Variants in CAPN9 observed in about 807,000 individuals in gnomAD.
CAPN9 encodes calpain 9, also known as calpain-9.
In CAPN9, 81 loss-of-function variants were observed where a neutral mutation model predicts 92.8. That is an observed-to-expected ratio of 0.87 (90% CI 0.73 to 1.05). The LOEUF (loss-of-function observed/expected upper bound fraction) is 1.05. Among genes scored for constraint, CAPN9 ranks in the 50% least tolerant of loss-of-function variants. The pLI is 0.00. For missense variants in CAPN9, 848 were observed against 866.2 expected (o/e 0.98, Z 0.26); for synonymous variants, 304 against 328.0 (o/e 0.93, Z 0.79).
intron 5 of CAPN9, 77 bp downstream of exon 5, chr1:230,767,786 G>GCATAGTGCA: frequency 7.4e-7 from 1 of 1,345,386 alleles, no homozygotes; most frequent in African/African-American, 1.5e-5. Context: ...TGCTGGGGCT[G>GCATAGTGCA]TACCAGGTAC....
At chr1:230,762,292 C>A (rs778029116) in intron 3 of CAPN9, among the ~76,000 whole-genome samples, 1 of 152,214 alleles carries the variant, frequency 6.6e-6, no homozygotes, top group South Asian at 2.1e-4. Flanking sequence ...CCAAACCCCA[C>A]GTTACCATTC....
intron 18 of CAPN9, among the ~76,000 whole-genome samples, chr1:230,797,413 G>A (rs28359736): frequency 0.01 from 1,568 of 152,216 alleles, 27 homozygotes; most frequent in African/African-American, 0.035. Context: ...TCTAGTGCCC[G>A]GTTCATGCCC....
chr1:230,791,213 A>G (rs1473363362), intron 14 of CAPN9, among the ~76,000 whole-genome samples: 2 of 152,122 alleles, frequency 1.3e-5, no homozygotes, highest in East Asian at 3.9e-4. Flanking sequence ...TTGGGTGGGC[A>G]TGTGTTTTTA....
intron 19 of CAPN9, among the ~76,000 whole-genome samples, chr1:230,799,787 A>T (rs1039410891): frequency 6.6e-6 from 1 of 152,162 alleles, no homozygotes; most frequent in African/African-American, 2.4e-5. Flanking sequence ...AGTCCCAGCT[A>T]TTTGGGAGGC....
chr1:230,773,277 TG>T (rs1044835752), intron 7 of CAPN9, among the ~76,000 whole-genome samples: 1 of 152,130 alleles, frequency 6.6e-6, no homozygotes, highest in African/African-American at 2.4e-5. Flanking sequence ...CAAGAAGCAT[TG>T]GCAGAGATGA....
intron 19 of CAPN9, among the ~76,000 whole-genome samples, chr1:230,799,195 G>A (rs1043074395): frequency 6.6e-6 from 1 of 152,136 alleles, no homozygotes; most frequent in Non-Finnish European, 1.5e-5. Flanking sequence ...TTTGGGTTTG[G>A]ATAACATTTA....
intron 1 of CAPN9, among the ~76,000 whole-genome samples, chr1:230,748,661 G>C (rs1460502686): frequency 6.6e-6 from 1 of 152,130 alleles, no homozygotes; most frequent in African/African-American, 2.4e-5. Context: ...GTACATTACA[G>C]CTATTGTCAC....
chr1:230,780,555 G>A lies in CAPN9; in HGVS notation c.1328G>A (p.Arg443Gln), dbSNP rs757100698. ...GACTTCTTCAGATACCACGCTTCTCGGGCCAGAAGCAAGACGTTCATCAAC... is the reference window on the plus strand; with the variant it reads ...GACTTCTTCAGATACCACGCTTCTCAGGCCAGAAGCAAGACGTTCATCAAC... ...NKDFFRYHAS[R>Q]ARSKTFINLR... is the part of the protein sequence containing the mutation. The change falls in exon 11 of 20, where the codon CGG becomes CAG. Residue 443 changes from arginine to glutamine, a missense_variant. Coordinates refer to ENST00000271971, the MANE Select transcript of CAPN9 (RefSeq NM_006615.3). 15 of 1,614,014 alleles carry A rather than the reference G, an allele frequency of 9.3e-6. No homozygotes were observed. The highest frequency in any genetic ancestry group is 3.3e-5 in the South Asian group (3 of 91,076).
At chr1:230,786,890 G>T (rs1667629250) in intron 12 of CAPN9, among the ~76,000 whole-genome samples, 1 of 152,110 alleles carries the variant, frequency 6.6e-6, no homozygotes, top group Admixed American at 6.6e-5. Context: ...GTGACATGGG[G>T]GTGGCTTTAC....
At chr1:230,779,952 A>C (rs1428657583) in intron 9 of CAPN9, among the ~76,000 whole-genome samples, 1 of 152,218 alleles carries the variant, frequency 6.6e-6, no homozygotes, top group Non-Finnish European at 1.5e-5. Flanking sequence ...TGGAAATGAA[A>C]GAGAGGATAT....
In CAPN9 at chr1:230,747,468, G is replaced by A. The variant is rs1664490826; in HGVS notation, c.-29G>A. The A allele has an allele frequency of 1.3e-6, 2 of 1,597,918 alleles. No individual in the cohort carries two copies. Among genetic ancestry groups the A allele is most frequent in the African/African-American group, 2.7e-5 (2 of 74,612 alleles). ...TCACTTTCTTTTCCATCCACTGCCG[G>A]ACCCAAGCCAGCCTTCCAGGGAGCA... On this transcript the variant is annotated 5_prime_UTR_variant, in exon 1 of 20. Transcript: ENST00000271971.
At chr1:230,753,664 C>T (rs1665002702) in intron 1 of CAPN9, among the ~76,000 whole-genome samples, 1 of 152,198 alleles carries the variant, frequency 6.6e-6, no homozygotes, top group South Asian at 2.1e-4. Context: ...GAACCTTCCA[C>T]CTCCAGCCCA....
At position 230,792,876 on chromosome 1, in the gene CAPN9, C is replaced by A. The variant is rs1182739152; in HGVS notation, c.1818C>A (p.Asp606Glu). The A allele has an allele frequency of 1.2e-6, 2 of 1,613,984 alleles. No homozygotes were observed. The highest frequency in any genetic ancestry group is 1.7e-6 in the Non-Finnish European group (2 of 1,179,958). ...WINLFLRFDA[D>E]KSGTMSTYEL... ...ACCTTTTCCTTCGGTTTGATGCTGA[C>A]AAGTCCGGCACCATGTCTACCTATG... The change falls in exon 17 of 20, where the codon GAC becomes GAA. Residue 606 changes from aspartate (D) to glutamate (E), a missense_variant. Coordinates refer to ENST00000271971, the MANE Select transcript of CAPN9 (RefSeq NM_006615.3).
Position 230,779,104 on chromosome 1 carries a change from C to T in CAPN9, c.1085C>T (p.Ser362Phe). ...CATCAGGGAAGCTGGGTTCGCGGCT[C>T]CACGGCTGGGGGCTGCCGCAATTTC... is the stretch of plus-strand genomic sequence containing the variant. ...TVHQGSWVRG[S>F]TAGGCRNFLD... Residue 362 changes from serine to phenylalanine, a missense_variant, in exon 9 of 20, where the codon TCC becomes TTC. Transcript: ENST00000271971. 1 of 1,612,778 alleles carries T rather than the reference C, an allele frequency of 6.2e-7. No individual in the cohort carries two copies. The highest frequency in any genetic ancestry group is 1.1e-5 in the South Asian group (1 of 91,022).
Position 230,801,866 on chromosome 1 carries a change from A to C in CAPN9, c.*270A>C. ...AGGTTCAGGCATCACTAGCTTTCCCACACTCTACTTTCCTTATTTCCTTCC... is the reference window on the plus strand; with the variant it reads ...AGGTTCAGGCATCACTAGCTTTCCCCCACTCTACTTTCCTTATTTCCTTCC... On this transcript the variant is annotated 3_prime_UTR_variant, in exon 20 of 20. Coordinates refer to ENST00000271971, the MANE Select transcript of CAPN9 (RefSeq NM_006615.3). 3.8e-6 allele frequency: 2 copies of C among 521,672 alleles called. No homozygotes were observed. The highest frequency in any genetic ancestry group is 6.8e-6 in the Non-Finnish European group (2 of 292,612). 32.3% of individuals were successfully genotyped at this position (521,672 alleles called of 1,614,324 possible). A position where few individuals can be genotyped will look rare whatever the true frequency, so the allele number is the denominator to read the frequency against.
intron 2 of CAPN9, among the ~76,000 whole-genome samples, chr1:230,757,450 T>C (rs900747405): frequency 3.9e-5 from 6 of 152,272 alleles, no homozygotes; most frequent in South Asian, 2.1e-4. Context: ...CAACCTTATA[T>C]TTTACCTTAG....
At chr1:230,774,965 CCCTGACCTCAGAGAAACCACCCA>C (rs1257574137) in intron 8 of CAPN9, among the ~76,000 whole-genome samples, 1 of 151,908 alleles carries the variant, frequency 6.6e-6, no homozygotes, top group Admixed American at 6.6e-5. Flanking sequence ...AGTCTCGAAC[CCCTGACCTCAGAGAAACCACCCA>C]CCTTGGCCTC....
At chr1:230,761,415 G>T (rs1048325565) in intron 3 of CAPN9, among the ~76,000 whole-genome samples, 6 of 152,126 alleles carry the variant, frequency 3.9e-5, no homozygotes, top group African/African-American at 1.4e-4. Context: ...CCCCTGCTCA[G>T]GAACCCCAAG....
intron 2 of CAPN9, 24 bp downstream of exon 2, chr1:230,755,430 G>A (rs1482229353): frequency 1.9e-6 from 3 of 1,575,394 alleles, no homozygotes; most frequent in African/African-American, 1.4e-5. Flanking sequence ...GATGGAGCAT[G>A]GCGAGAGGGA....
Sources: allele counts gnomAD v4.1 joint callset (sites outside exome capture counted in the v4.1 genomes callset), GRCh38; gene constraint gnomAD v4.1.1; transcripts MANE v1.5; gene names NCBI Gene and HGNC (gene_info 2026-07-23, HGNC 2026-07-21).